The following GSE1 variants were observed in gnomAD, a reference collection of about 807,000 sequenced individuals.
GSE1 encodes genetic suppressor element 1.
A neutral mutation model predicts 112.6 loss-of-function variants in GSE1; 32 were observed. That is an observed-to-expected ratio of 0.28 (90% CI 0.21 to 0.38). The LOEUF (loss-of-function observed/expected upper bound fraction) is 0.38. Among genes scored for constraint, GSE1 ranks in the 10% least tolerant of loss-of-function variants. The pLI, the probability that GSE1 is intolerant of heterozygous loss-of-function variation, is 1.00. For synonymous variants in GSE1, 1,115 were observed against 735.6 expected (o/e 1.52, Z -8.35); for missense variants, 2,348 against 1,699.2 (o/e 1.38, Z -6.71).
In GSE1 at chr16:85,674,816, CCT is replaced by C. The variant is rs1252546063; in HGVS notation, c.*2278_*2279del. The C allele has an allele frequency of 2.6e-5, 4 of 152,576 alleles. No homozygotes were observed. The highest frequency in any genetic ancestry group is 1.9e-4 in the East Asian group (1 of 5,194). 9.5% of individuals were successfully genotyped at this position (152,576 alleles called of 1,614,324 possible). On this transcript the variant is annotated 3_prime_UTR_variant, in exon 16 of 16. Transcript: ENST00000253458. ...TGTGCTAGCAATAGTTGGCTTCTCCCCTGTCAGTGGAAACCCCACTTCTGCCC... is the reference window on the plus strand; with the variant it reads ...TGTGCTAGCAATAGTTGGCTTCTCCCGTCAGTGGAAACCCCACTTCTGCCC...
intron 2 of GSE1, among the ~76,000 whole-genome samples, chr16:85,440,897 G>A (rs952187940): frequency 6.6e-6 from 1 of 152,212 alleles, no homozygotes; most frequent in Non-Finnish European, 1.5e-5. Context: ...CGGTCCCACC[G>A]GAGTCCTCAC....
At chr16:85,502,369 C>T (rs556712572) in intron 2 of GSE1, among the ~76,000 whole-genome samples, 7 of 152,244 alleles carry the variant, frequency 4.6e-5, no homozygotes, top group South Asian at 4.1e-4. Context: ...CCCTGAGCAC[C>T]GTCAGCTCAT....
At chr16:85,491,917 A>G (rs544766257) in intron 2 of GSE1, among the ~76,000 whole-genome samples, 2 of 152,262 alleles carry the variant, frequency 1.3e-5, no homozygotes, top group East Asian at 3.9e-4. Context: ...TCATGTGGAC[A>G]GGAGGTGCCT....
chr16:85,354,290 G>A (rs1012296232), intron 1 of GSE1, among the ~76,000 whole-genome samples: 4 of 152,146 alleles, frequency 2.6e-5, no homozygotes, highest in Admixed American at 6.5e-5. Flanking sequence ...GGTCAAACCC[G>A]TATCCCTCCA....
intron 2 of GSE1, among the ~76,000 whole-genome samples, chr16:85,550,359 C>A (rs560506282): frequency 7.2e-5 from 11 of 152,238 alleles, no homozygotes; most frequent in African/African-American, 2.6e-4. Flanking sequence ...TGACCTTGAA[C>A]CAGATTGTCA....
intron 1 of GSE1, among the ~76,000 whole-genome samples, chr16:85,304,710 C>T (rs2045627479): frequency 6.6e-6 from 1 of 151,200 alleles, no homozygotes; most frequent in African/African-American, 2.4e-5. Flanking sequence ...CCTGCCTGAA[C>T]ATAAATAACA....
chr16:85,342,608 C>G (rs1355778566), intron 1 of GSE1, among the ~76,000 whole-genome samples: 1 of 152,204 alleles, frequency 6.6e-6, no homozygotes, highest in Non-Finnish European at 1.5e-5. Flanking sequence ...TGTTGAGGAT[C>G]TGTCTCTGTG....
intron 5 of GSE1, among the ~76,000 whole-genome samples, 170 bp from the exon 6 acceptor site, chr16:85,655,556 G>T (rs371922954): frequency 1.3e-5 from 2 of 152,322 alleles, no homozygotes; most frequent in South Asian, 2.1e-4. Flanking sequence ...GCAGCCTCCG[G>T]CATCAAGGGG....
At chr16:85,379,587 G>T (rs1239889514) in intron 2 of GSE1, among the ~76,000 whole-genome samples, 2 of 152,166 alleles carry the variant, frequency 1.3e-5, no homozygotes, top group East Asian at 3.9e-4. Context: ...ACCATCCAAG[G>T]TCTTACTTAG....
intron 2 of GSE1, among the ~76,000 whole-genome samples, chr16:85,465,745 C>G (rs1460794445): frequency 6.6e-6 from 1 of 152,246 alleles, no homozygotes; most frequent in African/African-American, 2.4e-5. Flanking sequence ...TACCTATTTT[C>G]TCTCCCTATC....
At chr16:85,402,686 C>T (rs908014025) in intron 2 of GSE1, among the ~76,000 whole-genome samples, 8 of 152,152 alleles carry the variant, frequency 5.3e-5, no homozygotes, top group Non-Finnish European at 1.0e-4. Context: ...TTTCAGGAGG[C>T]TGAGGCGGGA....
intron 15 of GSE1, 68 bp from the exon 16 acceptor site, chr16:85,672,337 T>G (rs899881005): frequency 2.5e-6 from 3 of 1,205,036 alleles, no homozygotes; most frequent in Non-Finnish European, 2.4e-6. Flanking sequence ...TCCAGCATGT[T>G]TGTACTCTAC....
intron 2 of GSE1, among the ~76,000 whole-genome samples, chr16:85,392,630 A>C (rs1169476144): frequency 1.3e-5 from 2 of 152,218 alleles, no homozygotes; most frequent in African/African-American, 4.8e-5. Flanking sequence ...CTGAAATTTA[A>C]GTTTCACTGG....
At position 85,656,474 on chromosome 16, in the gene GSE1, A is replaced by G. The variant is rs956013870; in HGVS notation, c.1121A>G (p.Glu374Gly). Reference sequence around the variant, plus strand: ...GAGAAGGAGCGCGAGCAAGAGAAGGAGCGTGAGCGTGAGAAGGAGCGCGAG... The same window carrying G: ...GAGAAGGAGCGCGAGCAAGAGAAGGGGCGTGAGCGTGAGAAGGAGCGCGAG... ...EREKEREQEKEREREKERERE... is the reference protein window; with the variant it reads ...EREKEREQEKGREREKERERE... Residue 374 changes from glutamate to glycine, a missense_variant, in exon 7 of 16, where the codon GAG becomes GGG. By Grantham distance (98) the Glu-to-Gly change is moderately conservative. Coordinates refer to ENST00000253458, the MANE Select transcript of GSE1 (RefSeq NM_014615.5). 1 of 1,541,638 alleles carries G rather than the reference A, an allele frequency of 6.5e-7. No homozygotes were observed.
At chr16:85,241,445 T>C (rs1233050530) in intron 1 of GSE1, among the ~76,000 whole-genome samples, 1 of 152,238 alleles carries the variant, frequency 6.6e-6, no homozygotes, top group Non-Finnish European at 1.5e-5. Flanking sequence ...TGCAGTCTGC[T>C]GTGGTGGGAG....
chr16:85,615,886 G>A (rs866496198), intron 1 of GSE1, among the ~76,000 whole-genome samples: 1 of 152,232 alleles, frequency 6.6e-6, no homozygotes, highest in Non-Finnish European at 1.5e-5. Flanking sequence ...GTACACACTG[G>A]GGGTAGGAAC....
At chr16:85,614,809 G>A (rs1396611006) in intron 1 of GSE1, among the ~76,000 whole-genome samples, 2 of 152,252 alleles carry the variant, frequency 1.3e-5, no homozygotes, top group Non-Finnish European at 2.9e-5. Flanking sequence ...GGCCACACAG[G>A]TTGGGGTTTG....
intron 1 of GSE1, among the ~76,000 whole-genome samples, chr16:85,247,520 C>T (rs887220865): frequency 6.6e-6 from 1 of 152,206 alleles, no homozygotes; most frequent in Non-Finnish European, 1.5e-5. Context: ...TCATGCTCCT[C>T]AGAGGAGGCC....
intron 13 of GSE1, 176 bp downstream of exon 13, chr16:85,666,523 A>C: frequency 1.5e-6 from 1 of 655,600 alleles, no homozygotes; most frequent in Non-Finnish European, 2.6e-6. Flanking sequence ...GTTTATCTCC[A>C]AGCTCTAAAA....
Sources: allele counts gnomAD v4.1 joint callset (sites outside exome capture counted in the v4.1 genomes callset), GRCh38; gene constraint gnomAD v4.1.1; transcripts MANE v1.5; gene names NCBI Gene and HGNC (gene_info 2026-07-23, HGNC 2026-07-21).